ITPKB: variants seen among roughly 807,000 people sequenced by gnomAD.
The protein encoded by ITPKB is IP3 3-kinase B.
ITPKB carries 13 observed loss-of-function variants against 69.4 expected under a neutral mutation model. The observed-to-expected ratio is 0.19, with a 90% CI of 0.12 to 0.30. The LOEUF is 0.30. Among genes scored for constraint, ITPKB ranks in the 10% least tolerant of loss-of-function variants. The probability of loss-of-function intolerance (pLI) is 1.00; values close to 1 mark genes in which losing one functional copy is unlikely to be tolerated. For synonymous variants in ITPKB, 584 were observed against 513.7 expected (o/e 1.14, Z -1.85); for missense variants, 1,240 against 1,250.5 (o/e 0.99, Z 0.13).
chr1:226,694,368 T>C (rs929682418), intron 2 of ITPKB, among the ~76,000 whole-genome samples: 1 of 152,222 alleles, frequency 6.6e-6, no homozygotes, highest in Non-Finnish European at 1.5e-5. Flanking sequence ...TTGCTTTTAT[T>C]AGGACCCTAG....
intron 2 of ITPKB, among the ~76,000 whole-genome samples, chr1:226,662,031 T>C (rs1669411914): frequency 6.6e-6 from 1 of 152,320 alleles, no homozygotes; most frequent in South Asian, 2.1e-4. Flanking sequence ...AGCTACTTTC[T>C]AGTCGGGTGT....
chr1:226,687,155 C>A (rs1233773803), intron 2 of ITPKB, among the ~76,000 whole-genome samples: 2 of 152,134 alleles, frequency 1.3e-5, no homozygotes, highest in Non-Finnish European at 2.9e-5. Context: ...CTTTCTATAG[C>A]GTCATTTACA....
intron 2 of ITPKB, among the ~76,000 whole-genome samples, chr1:226,655,600 G>T (rs899217408): frequency 5.3e-5 from 8 of 152,190 alleles, no homozygotes; most frequent in African/African-American, 1.7e-4. Context: ...TCAGAGTCTG[G>T]CCTTGCTTCC....
chr1:226,649,493 T>C (rs943511266), intron 2 of ITPKB, among the ~76,000 whole-genome samples: 1 of 150,674 alleles, frequency 6.6e-6, no homozygotes, highest in Admixed American at 6.6e-5. Flanking sequence ...TGTGCATCAG[T>C]GTGTGCATGC....
At chr1:226,689,567 ATTTGTGTGTGTGTGTGTG>A (rs1165454060) in intron 2 of ITPKB, among the ~76,000 whole-genome samples, 16 of 93,724 alleles carry the variant, frequency 1.7e-4, no homozygotes, top group African/African-American at 6.8e-4. Flanking sequence ...GGAAGGTTTT[ATTTGTGTGTGTGTGTGTG>A]TGTGTGTGTG....
intron 2 of ITPKB, among the ~76,000 whole-genome samples, chr1:226,685,395 C>CGG (rs1356623114): frequency 1.3e-5 from 2 of 152,206 alleles, no homozygotes; most frequent in Non-Finnish European, 1.5e-5. Context: ...CACATTCTCT[C>CGG]GGGTTTCCTG....
intron 2 of ITPKB, among the ~76,000 whole-genome samples, chr1:226,733,164 G>A (rs540829562): frequency 6.6e-6 from 1 of 152,268 alleles, no homozygotes; most frequent in Admixed American, 6.5e-5. Flanking sequence ...GCATGTGTGA[G>A]GGCATGTGTG....
chr1:226,712,329 C>G (rs567370093), intron 2 of ITPKB, among the ~76,000 whole-genome samples: 14 of 152,288 alleles, frequency 9.2e-5, no homozygotes, highest in African/African-American at 2.4e-4. Flanking sequence ...GGCTCCCCAG[C>G]CTTCGTGGTC....
chr1:226,690,964 C>G (rs956334803), intron 2 of ITPKB, among the ~76,000 whole-genome samples: 1 of 152,194 alleles, frequency 6.6e-6, no homozygotes, highest in African/African-American at 2.4e-5. Context: ...AAGCCAGACA[C>G]AAAAGGACAA....
At chr1:226,658,836 G>A (rs1010907507) in intron 2 of ITPKB, among the ~76,000 whole-genome samples, 8 of 152,278 alleles carry the variant, frequency 5.3e-5, no homozygotes, top group African/African-American at 1.4e-4. Flanking sequence ...CCTGGGGCAG[G>A]AGAACGAGGA....
intron 2 of ITPKB, chr1:226,657,362 C>G (rs766802269): frequency 1.3e-5 from 2 of 152,218 alleles, no homozygotes; most frequent in Non-Finnish European, 2.9e-5. Flanking sequence ...TCTTCTTAGC[C>G]TCTTTTTCAC....
At chr1:226,682,030 G>A (rs1656104069) in intron 2 of ITPKB, among the ~76,000 whole-genome samples, 2 of 152,242 alleles carry the variant, frequency 1.3e-5, no homozygotes, top group Admixed American at 1.3e-4. Context: ...GGATCCCCAG[G>A]CAGCTGCCAC....
chr1:226,716,409 A>G (rs985339331), intron 2 of ITPKB, among the ~76,000 whole-genome samples: 3 of 151,130 alleles, frequency 2.0e-5, no homozygotes, highest in Non-Finnish European at 4.4e-5. Context: ...TTCTTTTTAA[A>G]ATGTTTTTAT....
intron 2 of ITPKB, among the ~76,000 whole-genome samples, chr1:226,687,279 T>G (rs906556765): frequency 6.6e-6 from 1 of 152,114 alleles, no homozygotes; most frequent in African/African-American, 2.4e-5. Flanking sequence ...GAACCGTAAG[T>G]TATTCATAAG....
At position 226,737,115 on chromosome 1, in the gene ITPKB, G is replaced by A. The variant is rs777413397; in HGVS notation, c.344C>T (p.Ala115Val). 4 of 1,604,664 alleles carry A rather than the reference G, an allele frequency of 2.5e-6. No homozygotes were observed. The highest frequency in any genetic ancestry group is 3.3e-5 in the Admixed American group (2 of 60,012). ...RLRGDRQQVV[A>V]AGTLSPPGPE... is the part of the protein sequence containing the mutation. ...CCCTGGCGGGGAGAGGGTACCGGCT[G>A]CCACCACCTGCTGCCGGTCCCCTCG... is the stretch of plus-strand genomic sequence containing the variant. The change falls in exon 2 of 8, where the codon GCA (alanine) becomes GTA (valine). Residue 115 changes from alanine (A) to valine (V), a missense_variant. Coordinates refer to ENST00000429204, the MANE Select transcript of ITPKB (RefSeq NM_002221.4).
At chr1:226,636,469 C>T (rs1668838761) in intron 7 of ITPKB, among the ~76,000 whole-genome samples, 1 of 152,252 alleles carries the variant, frequency 6.6e-6, no homozygotes, top group South Asian at 2.1e-4. Flanking sequence ...AGACCATCTG[C>T]CTGAGGAGGC....
chr1:226,655,272 T>C (rs1407800688), intron 2 of ITPKB, among the ~76,000 whole-genome samples: 1 of 152,186 alleles, frequency 6.6e-6, no homozygotes. Context: ...CAAAATTCAG[T>C]AAGAATGTCA....
chr1:226,674,191 T>A (rs895819575), intron 2 of ITPKB, among the ~76,000 whole-genome samples: 2 of 152,182 alleles, frequency 1.3e-5, no homozygotes, highest in Admixed American at 6.5e-5. Flanking sequence ...AAATATTTTT[T>A]AAGTATTTAT....
intron 2 of ITPKB, among the ~76,000 whole-genome samples, chr1:226,701,377 G>C (rs946892609): frequency 6.6e-6 from 1 of 152,064 alleles, no homozygotes; most frequent in African/African-American, 2.4e-5. Flanking sequence ...GGCCGAGGCA[G>C]GCGGATCACG....
Sources: gnomAD v4.1 joint callset for allele counts (sites outside exome capture counted in the v4.1 genomes callset) on GRCh38, gnomAD v4.1.1 for gene constraint, MANE v1.5 for transcripts, NCBI Gene and HGNC (gene_info 2026-07-23, HGNC 2026-07-21) for gene names.